The following ABCA9 variants were observed in gnomAD, a reference collection of about 807,000 sequenced individuals.
The protein encoded by ABCA9 is ATP binding cassette subfamily A member 9.
Under a neutral mutation model 205.3 loss-of-function variants are expected in ABCA9, and 183 were observed. That is an observed-to-expected ratio of 0.89 (90% CI 0.79 to 1.01). The LOEUF is 1.01. ABCA9 is among the 50% of genes least tolerant of loss of function. The pLI is 0.00. For synonymous variants in ABCA9, 651 were observed against 683.3 expected (o/e 0.95, Z 0.74); for missense variants, 1,805 against 1,912.4 (o/e 0.94, Z 1.05).
Position 69,033,808 on chromosome 17 carries a change from G to A in ABCA9, c.1194C>T (p.Leu398=). The A allele has an allele frequency of 6.2e-7, 1 of 1,607,796 alleles. No homozygotes were observed. The highest frequency in any genetic ancestry group is 8.5e-7 in the Non-Finnish European group (1 of 1,174,734). The change falls in exon 9 of 39, where the codon CTC becomes CTT. Residue 398 remains leucine, a synonymous_variant. Coordinates refer to ENST00000340001, the MANE Select transcript of ABCA9 (RefSeq NM_080283.4). ...CCAACATGAAAAGAGTAGCTATTAT[G>A]AGGTATGGATTTTGTGAAGAATCCA... is the stretch of plus-strand genomic sequence containing the variant. The part of the protein sequence containing the change: ...AHLDSSQNPY[L]IIATLFMLVF...
At chr17:69,062,317 G>A (rs540545187), upstream of ABCA9, among the ~76,000 whole-genome samples, 11 of 151,982 alleles carry the variant, frequency 7.2e-5, no homozygotes, top group African/African-American at 2.7e-4. Flanking sequence ...TTGTTTCCTA[G>A]AAGAACTTTG....
chr17:68,987,311 G>A (rs1243183799), intron 31 of ABCA9, among the ~76,000 whole-genome samples: 2 of 152,162 alleles, frequency 1.3e-5, no homozygotes, highest in Admixed American at 6.5e-5. Flanking sequence ...AAAGGAGAGA[G>A]CTAGTTAACC....
intron 1 of ABCA9, among the ~76,000 whole-genome samples, chr17:69,057,651 A>G (rs893828485): frequency 6.6e-6 from 1 of 152,242 alleles, no homozygotes; most frequent in Non-Finnish European, 1.5e-5. Context: ...TTCAGATATG[A>G]CAGTTTCAGT....
Position 69,018,377 on chromosome 17 carries a change from C to A in ABCA9, c.2767+36G>T, listed in dbSNP as rs766288734. ...TTTGGGGGGAATCTCTCAACAAGAACAACATTTAACAGCTGCATTTCAGCC... is the reference window on the plus strand; with the variant it reads ...TTTGGGGGGAATCTCTCAACAAGAAAAACATTTAACAGCTGCATTTCAGCC... On this transcript the variant is annotated intron_variant, in intron 20 of 38. Transcript: ENST00000340001. 18 of 1,443,130 alleles carry A rather than the reference C, an allele frequency of 1.2e-5. No individual in the cohort carries two copies. The Middle Eastern group carries it at 3.3e-3, about 266-fold the overall frequency. The allele number at this position is 1,443,130 out of a possible 1,614,324, so 89.4% of individuals were successfully genotyped here.
In ABCA9 at chr17:69,008,241, A is replaced by G; in HGVS notation, c.3148-6T>C. 1 of 1,611,320 alleles carries G rather than the reference A, an allele frequency of 6.2e-7. No individual in the cohort carries two copies. The highest frequency in any genetic ancestry group is 1.7e-4 in the Middle Eastern group (1 of 6,052). ...AGCTGGGAATGAGCTTTTTTCTGAT[A>G]AAGAAATAGAAGAATCATCAAAAGG... On this transcript the variant is annotated splice_polypyrimidine_tract_variant and splice_region_variant and intron_variant, in intron 23 of 38. Coordinates refer to ENST00000340001, the MANE Select transcript of ABCA9 (RefSeq NM_080283.4).
chr17:69,047,306 A>C (rs2071750229), intron 3 of ABCA9, among the ~76,000 whole-genome samples: 1 of 149,768 alleles, frequency 6.7e-6, no homozygotes, highest in African/African-American at 2.5e-5. Context: ...TTTCACTGTG[A>C]CCGATCACAT....
chr17:69,001,928 A>G (rs1260129181), intron 25 of ABCA9, among the ~76,000 whole-genome samples: 14 of 150,804 alleles, frequency 9.3e-5, no homozygotes, highest in Admixed American at 5.9e-4. Flanking sequence ...GTATTCTCTG[A>G]TGGTAGTTTG....
chr17:69,038,856 A>G (rs533187622), intron 6 of ABCA9, among the ~76,000 whole-genome samples: 125 of 152,322 alleles, frequency 8.2e-4, no homozygotes, highest in African/African-American at 2.7e-3. Context: ...GTTGATAAGC[A>G]ACTTCAGCAA....
In ABCA9 at chr17:69,051,012, CAT is replaced by C. The variant is rs2071884590; in HGVS notation, c.96+17_96+18del. On this transcript the variant is annotated intron_variant, in intron 2 of 38. Transcript: ENST00000340001. ...TTTTCATCCTCTAAATATGAGAACA[CAT>C]AGACTCTGAAGCATACCAACAAGGT... is the stretch of plus-strand genomic sequence containing the variant. The C allele has an allele frequency of 1.2e-6, 2 of 1,608,354 alleles. No homozygotes were observed. The highest frequency in any genetic ancestry group is 1.3e-5 in the African/African-American group (1 of 74,794).
intron 31 of ABCA9, among the ~76,000 whole-genome samples, chr17:68,987,765 TG>T (rs371565839): frequency 0.032 from 2,291 of 72,426 alleles, 51 homozygotes; most frequent in African/African-American, 0.041. Context: ...TTTGTTTGTT[TG>T]TTTTTTTGTT....
rs773986908 is a variant in ABCA9 at position 69,012,056 on chromosome 17, G to A, written c.3067C>T (p.Arg1023Ter). The A allele has an allele frequency of 1.9e-6, 3 of 1,612,822 alleles. No individual in the cohort carries two copies. The highest frequency in any genetic ancestry group is 8.5e-7 in the Non-Finnish European group (1 of 1,179,352). The change falls in exon 23 of 39, where the codon CGA becomes TGA. Residue 1023 changes from arginine to a stop codon, truncating the protein, a stop_gained. Transcript: ENST00000340001. LOFTEE classifies it high-confidence loss of function. ...EEHMDYEYGY[R>*]SNTFFWIPMA... ...GGTATCCAGAAGAAGGTGTTACTTCGGTACCCATACTCATAATCCATATGC... is the reference window on the plus strand; with the variant it reads ...GGTATCCAGAAGAAGGTGTTACTTCAGTACCCATACTCATAATCCATATGC...
intron 6 of ABCA9, among the ~76,000 whole-genome samples, chr17:69,038,640 T>C (rs980812279): frequency 2.6e-5 from 4 of 152,038 alleles, no homozygotes; most frequent in African/African-American, 4.8e-5. Context: ...AGAAACATTC[T>C]CTTTGAAAAC....
At chr17:69,027,610 G>T in intron 13 of ABCA9, 30 bp downstream of exon 13, 1 of 1,596,398 alleles carries the variant, frequency 6.3e-7, no homozygotes, top group Admixed American at 1.8e-5. Flanking sequence ...TCTTTTTTAT[G>T]GCTATGTGAC....
intron 1 of ABCA9, among the ~76,000 whole-genome samples, chr17:69,059,903 G>A (rs75906168): frequency 0.014 from 2,142 of 152,122 alleles, 19 homozygotes; most frequent in Non-Finnish European, 0.022. Context: ...TCATGCCATC[G>A]GAGCAGGCTG....
chr17:69,059,720 G>A (rs2072177043), intron 1 of ABCA9, among the ~76,000 whole-genome samples: 1 of 151,148 alleles, frequency 6.6e-6, no homozygotes, highest in Non-Finnish European at 1.5e-5. Flanking sequence ...GGGCAGGGTT[G>A]GGGGAAGGAG....
Position 69,045,206 on chromosome 17 carries a change from T to A in ABCA9, c.435A>T (p.Arg145Ser). 1 of 1,613,144 alleles carries A rather than the reference T, an allele frequency of 6.2e-7. No individual in the cohort carries two copies. Among genetic ancestry groups the A allele is most frequent in the South Asian group, 1.1e-5 (1 of 91,046 alleles). The change falls in exon 4 of 39, where the codon AGA (arginine) becomes AGT (serine). Residue 145 changes from arginine to serine, a missense_variant. By Grantham distance (110) the Arg-to-Ser change is moderately radical (BLOSUM62 -1). Coordinates refer to ENST00000340001, the MANE Select transcript of ABCA9 (RefSeq NM_080283.4). ...CTCTGTGCTCTTTCATCATGGGGAT[T>A]CTATGTCCCCAAGAAAACTTCAAAT... Reference protein sequence around the residue: ...SYHLKFSWGHRIPMMKEHRDH... With the variant: ...SYHLKFSWGHSIPMMKEHRDH...
intron 36 of ABCA9, 66 bp downstream of exon 36, chr17:68,983,643 G>A (rs1005970114): frequency 3.4e-5 from 54 of 1,580,470 alleles, no homozygotes; most frequent in Middle Eastern, 2.2e-4. Flanking sequence ...CTCTTATTCC[G>A]TCATCATAGC....
chr17:69,039,554 C>A (rs1185835737), intron 6 of ABCA9, among the ~76,000 whole-genome samples: 5 of 152,040 alleles, frequency 3.3e-5, no homozygotes, highest in Non-Finnish European at 5.9e-5. Flanking sequence ...CAAAAATTAA[C>A]TCAAGATGGA....
At chr17:69,039,268 C>A (rs1185783824) in intron 6 of ABCA9, among the ~76,000 whole-genome samples, 1 of 152,080 alleles carries the variant, frequency 6.6e-6, no homozygotes, top group Non-Finnish European at 1.5e-5. Flanking sequence ...CAATCCTAGG[C>A]AAAAAGAACA....
Sources: allele counts gnomAD v4.1 joint callset (sites outside exome capture counted in the v4.1 genomes callset), GRCh38; gene constraint gnomAD v4.1.1; transcripts MANE v1.5; gene names NCBI Gene and HGNC (gene_info 2026-07-23, HGNC 2026-07-21).